FOCAD: variants seen among roughly 807,000 people sequenced by gnomAD.
FOCAD encodes KIAA1797.
Under a neutral mutation model 225.6 loss-of-function variants are expected in FOCAD, and 198 were observed. The ratio of observed to expected loss-of-function variants is 0.88; its 90% CI spans 0.78 to 0.99. The LOEUF is 0.99. FOCAD is among the 50% of genes least tolerant of loss of function. FOCAD has a pLI of 0.00. For synonymous variants in FOCAD, 897 were observed against 755.0 expected (o/e 1.19, Z -3.08); for missense variants, 2,713 against 2,123.6 (o/e 1.28, Z -5.46).
intron 21 of FOCAD, among the ~76,000 whole-genome samples, chr9:20,893,675 G>A (rs940901734): frequency 9.2e-5 from 14 of 152,074 alleles, no homozygotes; most frequent in African/African-American, 3.4e-4. Flanking sequence ...GAATTTAGAT[G>A]TGCTCTGTCC....
intron 14 of FOCAD, among the ~76,000 whole-genome samples, chr9:20,821,818 T>A (rs1374276036): frequency 6.6e-6 from 1 of 151,828 alleles, no homozygotes; most frequent in East Asian, 1.9e-4. Flanking sequence ...ATGACAGCAG[T>A]GTGAATGCTA....
chr9:20,791,943 T>C (rs1292489602), intron 11 of FOCAD, among the ~76,000 whole-genome samples: 1 of 152,176 alleles, frequency 6.6e-6, no homozygotes, highest in Non-Finnish European at 1.5e-5. Flanking sequence ...ATGCTGTATA[T>C]GTGGTAGGTG....
intron 1 of FOCAD, among the ~76,000 whole-genome samples, chr9:20,698,052 A>G (rs1370668758): frequency 6.6e-6 from 1 of 152,210 alleles, no homozygotes; most frequent in East Asian, 1.9e-4. Context: ...CTGTGGTGAA[A>G]CCACCTCTTT....
At chr9:20,706,170 A>G (rs184916964) in intron 1 of FOCAD, among the ~76,000 whole-genome samples, 3 of 151,956 alleles carry the variant, frequency 2.0e-5, no homozygotes, top group Admixed American at 2.0e-4. Context: ...CTTGGGCTCA[A>G]GTGATCCTCT....
intron 24 of FOCAD, among the ~76,000 whole-genome samples, chr9:20,919,256 A>G (rs965126700): frequency 2.0e-5 from 3 of 152,216 alleles, no homozygotes; most frequent in Non-Finnish European, 4.4e-5. Flanking sequence ...CCAACTTACA[A>G]GGGACGTGAA....
intron 15 of FOCAD, among the ~76,000 whole-genome samples, chr9:20,848,835 C>T (rs1587391106): frequency 2.0e-5 from 3 of 151,706 alleles, no homozygotes; most frequent in East Asian, 3.9e-4. Context: ...TTATGAATTT[C>T]CTGTTGTGGG....
At chr9:20,887,210 A>G (rs1831169971) in intron 21 of FOCAD, among the ~76,000 whole-genome samples, 1 of 150,822 alleles carries the variant, frequency 6.6e-6, no homozygotes, top group African/African-American at 2.4e-5. Context: ...TTTATTTCCA[A>G]GTATTTCTTC....
chr9:20,657,879 C>T (rs1184270737), upstream of FOCAD, among the ~76,000 whole-genome samples: 1 of 127,130 alleles, frequency 7.9e-6, no homozygotes, highest in Non-Finnish European at 1.7e-5. Context: ...TCCCGTTTTT[C>T]TGTTCTGTTT....
chr9:20,950,349 C>T (rs577719873), intron 33 of FOCAD, among the ~76,000 whole-genome samples: 4 of 152,072 alleles, frequency 2.6e-5, no homozygotes, highest in South Asian at 2.1e-4. Context: ...TACTTGTTTT[C>T]GTTCTTGTAA....
At chr9:20,929,633 G>C (rs1380828284) in intron 27 of FOCAD, 37 bp downstream of exon 27, 1 of 1,587,062 alleles carries the variant, frequency 6.3e-7, no homozygotes, top group South Asian at 1.1e-5. Flanking sequence ...TTTCTTCTTT[G>C]TGATTTTTTG....
At chr9:20,898,354 C>T (rs936351711) in intron 21 of FOCAD, among the ~76,000 whole-genome samples, 1 of 151,474 alleles carries the variant, frequency 6.6e-6, no homozygotes, top group East Asian at 1.9e-4. Flanking sequence ...TCTGGAATTC[C>T]TATTATGTGT....
Position 20,981,580 on chromosome 9 carries a change from A to G in FOCAD, c.4532A>G (p.His1511Arg). The change falls in exon 38 of 44, where the codon CAC becomes CGC. Residue 1511 changes from histidine (H) to arginine (R), a missense_variant. By Grantham distance (29) the His-to-Arg change is conservative. Coordinates refer to ENST00000338382, the MANE Select transcript of FOCAD (RefSeq NM_001375567.1). ...GSPELCPSAL[H>R]GLSQAMKLPS... ...CCTGAGCTATGCCCAAGTGCTTTAC[A>G]CGGTCTGAGCCAGGCCATGAAACTG... is the stretch of plus-strand genomic sequence containing the variant. 1.2e-6 allele frequency: 2 copies of G among 1,614,082 alleles called. No homozygotes were observed. The highest frequency in any genetic ancestry group is 1.7e-6 in the Non-Finnish European group (2 of 1,179,994).
intron 4 of FOCAD, among the ~76,000 whole-genome samples, chr9:20,727,541 T>G (rs556839420): frequency 6.6e-6 from 1 of 152,340 alleles, no homozygotes; most frequent in Admixed American, 6.5e-5. Context: ...AAGAAGCATT[T>G]TTTTGGTCAT....
In FOCAD at chr9:20,862,973, C is replaced by T. The variant is rs1828913456; in HGVS notation, c.2055+261C>T. The T allele has an allele frequency of 1.1e-5, 3 of 266,970 alleles. No homozygotes were observed. The South Asian group carries it at 4.4e-4, about 39-fold the overall frequency. 16.5% of individuals were successfully genotyped at this position (266,970 alleles called of 1,614,324 possible). On this transcript the variant is annotated intron_variant, in intron 16 of 43. Transcript: ENST00000338382. Reference sequence around the variant, plus strand: ...GTCAATATTGTAAAACTAGTGTTTCCAAAATAATAGAATTCATAAAGCCAA... The same window carrying T: ...GTCAATATTGTAAAACTAGTGTTTCTAAAATAATAGAATTCATAAAGCCAA...
chr9:20,983,922 C>A (rs1387201582), intron 39 of FOCAD, among the ~76,000 whole-genome samples: 1 of 151,982 alleles, frequency 6.6e-6, no homozygotes, highest in Non-Finnish European at 1.5e-5. Flanking sequence ...TGAATTATAT[C>A]CTATTATTAC....
At chr9:20,677,129 G>T (rs910467871) in intron 2 of FOCAD, among the ~76,000 whole-genome samples, 1 of 152,084 alleles carries the variant, frequency 6.6e-6, no homozygotes, top group Non-Finnish European at 1.5e-5. Context: ...CACAAGGATC[G>T]ACTCTTTATT....
At chr9:20,903,434 C>T (rs1367923125) in intron 21 of FOCAD, among the ~76,000 whole-genome samples, 1 of 151,854 alleles carries the variant, frequency 6.6e-6, no homozygotes, top group Non-Finnish European at 1.5e-5. Context: ...CCTTTGCTAC[C>T]TACAGTCTAT....
At chr9:20,662,774 T>A (rs1356848741) in intron 2 of FOCAD, among the ~76,000 whole-genome samples, 1 of 152,170 alleles carries the variant, frequency 6.6e-6, no homozygotes, top group Non-Finnish European at 1.5e-5. Flanking sequence ...GATAAACGTC[T>A]TGCAACCCAA....
At chr9:20,666,591 T>G (rs1432643089) in intron 2 of FOCAD, among the ~76,000 whole-genome samples, 1 of 152,074 alleles carries the variant, frequency 6.6e-6, no homozygotes, top group African/African-American at 2.4e-5. Context: ...AAACAAAAAC[T>G]GTCTTACTCT....
Sources: allele counts gnomAD v4.1 joint callset (sites outside exome capture counted in the v4.1 genomes callset), GRCh38; gene constraint gnomAD v4.1.1; transcripts MANE v1.5; gene names NCBI Gene and HGNC (gene_info 2026-07-23, HGNC 2026-07-21).